The following GABBR2 variants were observed in gnomAD, a reference collection of about 807,000 sequenced individuals.
GABBR2 encodes the protein gamma-aminobutyric acid type B receptor subunit 2.
GABBR2 carries 23 observed loss-of-function variants against 105.6 expected under a neutral mutation model. That is an observed-to-expected ratio of 0.22 (90% CI 0.16 to 0.31). The LOEUF (loss-of-function observed/expected upper bound fraction) is 0.31, where lower values mean the gene tolerates loss of function less well. Among genes scored for constraint, GABBR2 ranks in the 10% least tolerant of loss-of-function variants. The pLI is 1.00. For synonymous variants in GABBR2, 478 were observed against 499.7 expected (o/e 0.96, Z 0.58); for missense variants, 734 against 1,245.5 (o/e 0.59, Z 6.18).
chr9:98,659,486 CT>C (rs951537930), intron 1 of GABBR2, among the ~76,000 whole-genome samples: 11 of 6,226 alleles, frequency 1.8e-3, no homozygotes, highest in East Asian at 5.9e-3. Context: ...ATTTCTTCTT[CT>C]TTTTTTTTTA....
At chr9:98,408,988 C>A (rs943640489) in intron 7 of GABBR2, among the ~76,000 whole-genome samples, 1 of 152,156 alleles carries the variant, frequency 6.6e-6, no homozygotes, top group South Asian at 2.1e-4. Flanking sequence ...AGGGAAGACT[C>A]CGCTCAAGAC....
rs61216428 is a variant in GABBR2, at chr9:98,390,375, C to CAAAAAAA, written c.1379-1378_1379-1372dup. 2.8e-3 allele frequency among the ~76,000 whole-genome samples: 92 copies of CAAAAAAA among 32,434 alleles called. 12 individuals carry two copies. The highest frequency in any genetic ancestry group is 8.1e-3 in the African/African-American group (81 of 9,948). 21.3% of individuals were successfully genotyped at this position (32,434 alleles called of 152,430 possible). A position where few individuals can be genotyped will look rare whatever the true frequency, so the allele number is the denominator to read the frequency against. ...GGTGACAGAGCAAGACTCCATCTCA[C>CAAAAAAA]AAAAAAAAAAAAAAAAAAAAAAAAA... On this transcript the variant is annotated intron_variant, in intron 9 of 18. Coordinates refer to ENST00000259455, the MANE Select transcript of GABBR2 (RefSeq NM_005458.8).
intron 2 of GABBR2, among the ~76,000 whole-genome samples, chr9:98,577,044 G>GTGGATGGATGGATGGACAGA (rs1320518084): frequency 1.8e-5 from 1 of 56,578 alleles, no homozygotes; most frequent in Admixed American, 1.5e-4. Flanking sequence ...GGATGGATAG[G>GTGGATGGATGGATGGACAGA]TGGATGGATG....
At chr9:98,418,184 G>C (rs770311750) in intron 7 of GABBR2, among the ~76,000 whole-genome samples, 5 of 152,168 alleles carry the variant, frequency 3.3e-5, no homozygotes, top group African/African-American at 1.2e-4. Context: ...CAGCCAGTGG[G>C]AAGCTGTGGA....
rs1830628717 is a variant in GABBR2 at position 98,311,117 on chromosome 9, T to C, written c.1982A>G (p.Tyr661Cys). The change falls in exon 14 of 19, where the codon TAT (tyrosine) becomes TGT (cysteine). Residue 661 changes from tyrosine to cysteine, a missense_variant. By Grantham distance (194) the Tyr-to-Cys change is radical. Coordinates refer to ENST00000259455, the MANE Select transcript of GABBR2 (RefSeq NM_005458.8). The stretch of plus-strand genomic sequence containing the variant: ...TACCATGAGAAGTCCCTTGTAGGCA[T>C]AGACGATGCCAAGCCAGATGGTCAT... Reference protein sequence around the residue: ...THMTIWLGIVYAYKGLLMLFG... With the variant: ...THMTIWLGIVCAYKGLLMLFG... The C allele has an allele frequency of 1.2e-6, 2 of 1,607,682 alleles. No homozygotes were observed. Among genetic ancestry groups the C allele is most frequent in the Non-Finnish European group, 1.7e-6 (2 of 1,174,176 alleles).
chr9:98,436,629 GC>G (rs1258791345), intron 7 of GABBR2, among the ~76,000 whole-genome samples: 1 of 151,030 alleles, frequency 6.6e-6, no homozygotes, highest in East Asian at 2.0e-4. Context: ...CAGGCTCCAT[GC>G]CCCGTGCTCC....
At chr9:98,584,871 C>T (rs1179543557) in intron 1 of GABBR2, among the ~76,000 whole-genome samples, 1 of 152,158 alleles carries the variant, frequency 6.6e-6, no homozygotes, top group Non-Finnish European at 1.5e-5. Context: ...CACGTCTGTC[C>T]GTCCAGTGCC....
At chr9:98,614,799 G>C (rs1829557030) in intron 1 of GABBR2, among the ~76,000 whole-genome samples, 1 of 151,136 alleles carries the variant, frequency 6.6e-6, no homozygotes, top group South Asian at 2.1e-4. Flanking sequence ...GGGAGGGAGA[G>C]AGACAGACAT....
chr9:98,705,847 T>C (rs1343844996), intron 1 of GABBR2, among the ~76,000 whole-genome samples: 9 of 151,646 alleles, frequency 5.9e-5, no homozygotes, highest in Admixed American at 5.9e-4. Context: ...GAGGCAGAGG[T>C]GGGCAGATCA....
chr9:98,395,821 G>A (rs1832277943), intron 8 of GABBR2, among the ~76,000 whole-genome samples: 2 of 152,184 alleles, frequency 1.3e-5, no homozygotes, highest in African/African-American at 4.8e-5. Context: ...TTGAGGGCAG[G>A]GATAGGGCCC....
intron 1 of GABBR2, among the ~76,000 whole-genome samples, chr9:98,596,611 G>A (rs1422198431): frequency 3.3e-5 from 5 of 152,132 alleles, no homozygotes; most frequent in Admixed American, 6.5e-5. Flanking sequence ...AGGAGCCGGC[G>A]ATGTGGTCAC....
In GABBR2 at chr9:98,334,831, C is replaced by T. The variant is rs191553136; in HGVS notation, c.1894-23626G>A. ...GGACAAAACAACTCAGTATTTGAAG[C>T]TTAATCCACTATCGCTTTAGGGAGA... On this transcript the variant is annotated intron_variant, in intron 13 of 18. Coordinates refer to ENST00000259455, the MANE Select transcript of GABBR2 (RefSeq NM_005458.8). 7.2e-5 allele frequency among the ~76,000 whole-genome samples: 11 copies of T among 152,322 alleles called. No individual in the cohort carries two copies. In the East Asian group the frequency reaches 2.1e-3, roughly 29 times the overall value.
At chr9:98,571,497 C>T (rs1588233341) in intron 2 of GABBR2, among the ~76,000 whole-genome samples, 2 of 152,322 alleles carry the variant, frequency 1.3e-5, no homozygotes, top group East Asian at 3.9e-4. Flanking sequence ...AACAGCATCA[C>T]AGTCACCTGA....
chr9:98,687,974 AG>A, intron 1 of GABBR2, among the ~76,000 whole-genome samples: 1 of 152,202 alleles, frequency 6.6e-6, no homozygotes, highest in East Asian at 1.9e-4. Context: ...CATGCCCCAA[AG>A]GACACCCCTT....
chr9:98,397,876 C>T (rs1832322083), intron 8 of GABBR2, among the ~76,000 whole-genome samples: 1 of 152,132 alleles, frequency 6.6e-6, no homozygotes, highest in South Asian at 2.1e-4. Flanking sequence ...TTCTGTTGTC[C>T]CAGGCAGTAT....
At chr9:98,429,847 T>C (rs1418378751) in intron 7 of GABBR2, among the ~76,000 whole-genome samples, 1 of 152,238 alleles carries the variant, frequency 6.6e-6, no homozygotes, top group Non-Finnish European at 1.5e-5. Flanking sequence ...TAGATTTCTC[T>C]GACATTGTCT....
intron 11 of GABBR2, among the ~76,000 whole-genome samples, chr9:98,381,984 C>A (rs978544477): frequency 2.6e-5 from 4 of 152,254 alleles, no homozygotes; most frequent in Non-Finnish European, 5.9e-5. Flanking sequence ...CTTGAGAAAG[C>A]ACCTGTGCTT....
At chr9:98,556,193 G>A (rs1364353770) in intron 2 of GABBR2, among the ~76,000 whole-genome samples, 3 of 152,154 alleles carry the variant, frequency 2.0e-5, no homozygotes, top group African/African-American at 4.8e-5. Context: ...AGCTCTGAGC[G>A]GCAGACTCGT....
At chr9:98,522,209 G>A (rs899194605) in intron 3 of GABBR2, among the ~76,000 whole-genome samples, 12 of 151,874 alleles carry the variant, frequency 7.9e-5, no homozygotes, top group African/African-American at 2.9e-4. Flanking sequence ...TGAAGGAAAA[G>A]GACTAAGATT....
Sources: gnomAD v4.1 joint callset for allele counts (sites outside exome capture counted in the v4.1 genomes callset) on GRCh38, gnomAD v4.1.1 for gene constraint, MANE v1.5 for transcripts, NCBI Gene and HGNC (gene_info 2026-07-23, HGNC 2026-07-21) for gene names.